The following SLC35F4 variants were observed in gnomAD, a reference collection of about 807,000 sequenced individuals.
SLC35F4 encodes the protein solute carrier family 35 member F4, also known as chromosome 14 open reading frame 36.
A neutral mutation model predicts 44.2 loss-of-function variants in SLC35F4; 24 were observed. The ratio of observed to expected loss-of-function variants is 0.54; its 90% CI spans 0.39 to 0.76. SLC35F4 has a LOEUF of 0.76. Among genes scored for constraint, SLC35F4 ranks in the 30% least tolerant of loss-of-function variants. SLC35F4 has a pLI of 0.00. For missense variants in SLC35F4, 562 were observed against 586.1 expected (o/e 0.96, Z 0.42); for synonymous variants, 238 against 223.6 (o/e 1.06, Z -0.57).
chr14:57,795,605 C>T (rs1186987356), intron 1 of SLC35F4, among the ~76,000 whole-genome samples: 1 of 152,040 alleles, frequency 6.6e-6, no homozygotes, highest in Non-Finnish European at 1.5e-5. Context: ...AGGAAAGTCA[C>T]CCAGAAATCC....
chr14:57,724,592 T>A (rs1337590040), intron 1 of SLC35F4, among the ~76,000 whole-genome samples: 1 of 152,124 alleles, frequency 6.6e-6, no homozygotes, highest in Non-Finnish European at 1.5e-5. Flanking sequence ...AAGGCGTAAG[T>A]CAGTTACATG....
At chr14:57,662,410 G>A (rs1302048364) in intron 1 of SLC35F4, among the ~76,000 whole-genome samples, 1 of 152,144 alleles carries the variant, frequency 6.6e-6, no homozygotes, top group African/African-American at 2.4e-5. Context: ...GTCTTTAAGA[G>A]GTGAGTAGGT....
intron 1 of SLC35F4, among the ~76,000 whole-genome samples, chr14:57,736,605 A>G (rs371310102): frequency 6.6e-6 from 1 of 152,292 alleles, no homozygotes; most frequent in Non-Finnish European, 1.5e-5. Flanking sequence ...ATCAGCAACA[A>G]GTGGATGGGT....
At chr14:57,705,753 A>G (rs1298515896) in intron 1 of SLC35F4, among the ~76,000 whole-genome samples, 4 of 152,028 alleles carry the variant, frequency 2.6e-5, no homozygotes, top group Non-Finnish European at 5.9e-5. Flanking sequence ...CCCTGTACAC[A>G]CCTCTATATA....
intron 1 of SLC35F4, among the ~76,000 whole-genome samples, chr14:57,659,073 T>A (rs543097252): frequency 1.3e-5 from 2 of 152,280 alleles, no homozygotes; most frequent in South Asian, 2.1e-4. Context: ...CCCTAGTGGA[T>A]CTTAAATCAG....
intron 1 of SLC35F4, among the ~76,000 whole-genome samples, chr14:57,932,785 G>A (rs551493281): frequency 6.6e-6 from 1 of 152,118 alleles, no homozygotes; most frequent in South Asian, 2.1e-4. Flanking sequence ...GGGGGCAGAG[G>A]TTGCAGTGAG....
At position 57,564,289 on chromosome 14, in the gene SLC35F4, A is replaced by G; in HGVS notation, c.1304T>C (p.Leu435Pro). Residue 435 changes from leucine to proline, a missense_variant, in exon 8 of 8, where the codon CTG becomes CCG. Coordinates refer to ENST00000556826, the MANE Select transcript of SLC35F4 (RefSeq NM_001306087.2). ...IIICIGFLLM[L>P]LPEEWDEITL... Reference sequence around the variant, plus strand: ...GATTTCATCCCATTCCTCAGGCAACAGCATCAGCAGAAACCCAATGCAGAT... The same window carrying G: ...GATTTCATCCCATTCCTCAGGCAACGGCATCAGCAGAAACCCAATGCAGAT... 1 of 1,612,922 alleles carries G rather than the reference A, an allele frequency of 6.2e-7. No homozygotes were observed. The highest frequency in any genetic ancestry group is 8.5e-7 in the Non-Finnish European group (1 of 1,179,530).
At position 57,564,291 on chromosome 14, in the gene SLC35F4, C is replaced by T; in HGVS notation, c.1302G>A (p.Met434Ile). 1 of 1,612,770 alleles carries T rather than the reference C, an allele frequency of 6.2e-7. No homozygotes were observed. The highest frequency in any genetic ancestry group is 8.5e-7 in the Non-Finnish European group (1 of 1,179,452). The change falls in exon 8 of 8, where the codon ATG becomes ATA. Residue 434 changes from methionine to isoleucine, a missense_variant. Coordinates refer to ENST00000556826, the MANE Select transcript of SLC35F4 (RefSeq NM_001306087.2). ...TTTCATCCCATTCCTCAGGCAACAG[C>T]ATCAGCAGAAACCCAATGCAGATGA... Reference protein sequence around the residue: ...TIIICIGFLLMLLPEEWDEIT... With the variant: ...TIIICIGFLLILLPEEWDEIT...
At position 57,600,608 on chromosome 14, in the gene SLC35F4, C is replaced by T. The variant is rs560442242; in HGVS notation, c.104-6484G>A. ...CTGGGAGGCTGAGGCAGGAGAATGG[C>T]GTGAACCCGGGAGGCGGAGCTTGCA... On this transcript the variant is annotated intron_variant, in intron 1 of 7. Transcript: ENST00000556826. Among the ~76,000 whole-genome samples, 797 of 126,226 alleles carry T rather than the reference C, an allele frequency of 6.3e-3. 8 individuals carry two copies. Among genetic ancestry groups the T allele is most frequent in the Middle Eastern group, 0.023 (5 of 222 alleles). The allele number at this position is 126,226 out of a possible 152,430, so 82.8% of individuals were successfully genotyped here.
In SLC35F4 at chr14:57,677,964, C is replaced by A. The variant is rs1411090251; in HGVS notation, c.104-83840G>T. ...TAAAATATAAATAAGATGACATTTG[C>A]CTTGCTAGGTTGGGGAAATTATCCA... On this transcript the variant is annotated intron_variant, in intron 1 of 7. Transcript: ENST00000556826. Among the ~76,000 whole-genome samples, 4 of 151,916 alleles carry A rather than the reference C, an allele frequency of 2.6e-5. No individual in the cohort carries two copies. The East Asian group carries it at 7.7e-4, about 29-fold the overall frequency.
intron 1 of SLC35F4, among the ~76,000 whole-genome samples, chr14:57,961,767 A>G (rs1890343291): frequency 6.6e-6 from 1 of 152,140 alleles, no homozygotes; most frequent in African/African-American, 2.4e-5. Flanking sequence ...GGAATGCTTC[A>G]GCCTATTTGC....
At chr14:57,862,731 C>T (rs1011965618) in intron 1 of SLC35F4, among the ~76,000 whole-genome samples, 5 of 152,190 alleles carry the variant, frequency 3.3e-5, no homozygotes, top group Non-Finnish European at 5.9e-5. Context: ...CCCTGATGAG[C>T]CTATTTAAAA....
chr14:57,728,768 C>T (rs1358991843), intron 1 of SLC35F4, among the ~76,000 whole-genome samples: 1 of 152,024 alleles, frequency 6.6e-6, no homozygotes, highest in Non-Finnish European at 1.5e-5. Context: ...TGGCCCCTTC[C>T]ATTGATTTCT....
chr14:57,896,605 T>TTATG (rs1888876026), intron 1 of SLC35F4, among the ~76,000 whole-genome samples: 1 of 152,154 alleles, frequency 6.6e-6, no homozygotes, highest in Admixed American at 6.6e-5. Flanking sequence ...GCTCTTTATC[T>TTATG]TATGTAAAAA....
At chr14:57,787,189 A>AT (rs2077785832) in intron 1 of SLC35F4, among the ~76,000 whole-genome samples, 1 of 152,222 alleles carries the variant, frequency 6.6e-6, no homozygotes, top group African/African-American at 2.4e-5. Flanking sequence ...AAGTCTTCAA[A>AT]CTAACCCAAT....
At chr14:57,736,468 A>G (rs1384981786) in intron 1 of SLC35F4, among the ~76,000 whole-genome samples, 1 of 152,228 alleles carries the variant, frequency 6.6e-6, no homozygotes, top group Non-Finnish European at 1.5e-5. Context: ...TGGAAAACTT[A>G]ACTGGGATAG....
intron 1 of SLC35F4, among the ~76,000 whole-genome samples, chr14:57,662,802 T>C (rs1421183846): frequency 6.6e-6 from 1 of 152,192 alleles, no homozygotes; most frequent in Admixed American, 6.5e-5. Flanking sequence ...TCCATCCTTT[T>C]CCACCTGTTA....
intron 1 of SLC35F4, among the ~76,000 whole-genome samples, chr14:57,750,193 T>C (rs2076851314): frequency 6.6e-6 from 1 of 152,190 alleles, no homozygotes; most frequent in South Asian, 2.1e-4. Context: ...TCCATTTCCA[T>C]CCATGTTGCT....
At chr14:57,745,107 T>C (rs956745713) in intron 1 of SLC35F4, among the ~76,000 whole-genome samples, 10 of 152,208 alleles carry the variant, frequency 6.6e-5, no homozygotes, top group Admixed American at 5.2e-4. Context: ...GACTTAAATG[T>C]TAGACCTAAA....
Sources: gnomAD v4.1 joint callset for allele counts (sites outside exome capture counted in the v4.1 genomes callset) on GRCh38, gnomAD v4.1.1 for gene constraint, MANE v1.5 for transcripts, NCBI Gene and HGNC (gene_info 2026-07-23, HGNC 2026-07-21) for gene names.